The following IQGAP2 variants were observed in gnomAD, a reference collection of about 807,000 sequenced individuals.
The protein encoded by IQGAP2 is IQ motif containing GTPase activating protein 2.
A neutral mutation model predicts 201.3 loss-of-function variants in IQGAP2; 173 were observed. The observed-to-expected ratio is 0.86, with a 90% confidence interval of 0.76 to 0.98. The LOEUF (loss-of-function observed/expected upper bound fraction) is 0.98, where lower values mean the gene tolerates loss of function less well. IQGAP2 is among the 50% of genes least tolerant of loss of function. The pLI, the probability that IQGAP2 is intolerant of heterozygous loss-of-function variation, is 0.00. For synonymous variants in IQGAP2, 675 were observed against 673.9 expected (o/e 1.00, Z -0.03); for missense variants, 1,687 against 1,864.8 (o/e 0.90, Z 1.76).
intron 2 of IQGAP2, among the ~76,000 whole-genome samples, chr5:76,485,071 C>T (rs752630315): frequency 6.6e-6 from 1 of 152,168 alleles, no homozygotes; most frequent in Non-Finnish European, 1.5e-5. Flanking sequence ...AATCCTCTGA[C>T]TTGGCCTCCC....
intron 1 of IQGAP2, among the ~76,000 whole-genome samples, chr5:76,427,951 A>G (rs1752108132): frequency 6.6e-6 from 1 of 152,208 alleles, no homozygotes; most frequent in African/African-American, 2.4e-5. Flanking sequence ...GCAGGCTGTC[A>G]AGCAGTGGGA....
intron 12 of IQGAP2, among the ~76,000 whole-genome samples, chr5:76,609,512 C>T (rs62362039): frequency 0.16 from 24,472 of 151,976 alleles, 2,134 homozygotes; most frequent in Admixed American, 0.28. Context: ...TCATTCTTAA[C>T]GAAGTGGTGG....
At chr5:76,578,503 G>T (rs774358557) in intron 5 of IQGAP2, among the ~76,000 whole-genome samples, 1 of 152,022 alleles carries the variant, frequency 6.6e-6, no homozygotes, top group East Asian at 1.9e-4. Flanking sequence ...TAGTAGAGAC[G>T]GGGTTTCACC....
intron 2 of IQGAP2, among the ~76,000 whole-genome samples, chr5:76,524,677 C>T (rs1758869343): frequency 6.6e-6 from 1 of 152,098 alleles, no homozygotes; most frequent in African/African-American, 2.4e-5. Flanking sequence ...GTTGAATCAA[C>T]TAAGAAATAT....
intron 2 of IQGAP2, among the ~76,000 whole-genome samples, chr5:76,481,612 G>A (rs1474318816): frequency 6.6e-6 from 1 of 152,088 alleles, no homozygotes; most frequent in Non-Finnish European, 1.5e-5. Context: ...TTGAACTCCT[G>A]ACCTCAGATG....
intron 1 of IQGAP2, among the ~76,000 whole-genome samples, chr5:76,410,725 C>G (rs1286661091): frequency 1.3e-5 from 2 of 152,132 alleles, no homozygotes; most frequent in Non-Finnish European, 2.9e-5. Context: ...TCTTCATTCT[C>G]TCCATTAATT....
chr5:76,460,473 A>G (rs1283200782), intron 1 of IQGAP2, among the ~76,000 whole-genome samples: 1 of 152,088 alleles, frequency 6.6e-6, no homozygotes. Context: ...GAGGGGAAGT[A>G]ATAAGGAAGA....
intron 3 of IQGAP2, among the ~76,000 whole-genome samples, chr5:76,566,886 G>T (rs1319541614): frequency 6.6e-6 from 1 of 151,938 alleles, no homozygotes; most frequent in Non-Finnish European, 1.5e-5. Flanking sequence ...GTGGTGAAGG[G>T]CCAGGAAGGT....
rs938186313 is a variant in IQGAP2, at chr5:76,658,541, A to G, written c.2403A>G (p.Glu801=). The part of the protein sequence containing the change: ...LDQSDLDFQE[E]LEVARLREEV... The stretch of plus-strand genomic sequence containing the variant: ...AAAGTGATTTGGATTTCCAGGAGGA[A>G]CTAGAGGTTGCACGATTAAGGGAAG... Residue 801 remains glutamate, a synonymous_variant, in exon 21 of 36, where the codon GAA becomes GAG. Transcript: ENST00000274364. The G allele has an allele frequency of 5.6e-6, 9 of 1,613,998 alleles. No individual in the cohort carries two copies. Among genetic ancestry groups the G allele is most frequent in the Non-Finnish European group, 7.6e-6 (9 of 1,179,994 alleles).
chr5:76,553,295 T>A (rs779884034), intron 2 of IQGAP2, among the ~76,000 whole-genome samples: 1 of 152,258 alleles, frequency 6.6e-6, no homozygotes, highest in Non-Finnish European at 1.5e-5. Context: ...ATATGTCTTA[T>A]GTGCTGATTT....
chr5:76,499,557 G>A (rs760169950), intron 2 of IQGAP2, among the ~76,000 whole-genome samples: 2 of 152,094 alleles, frequency 1.3e-5, no homozygotes, highest in Admixed American at 6.5e-5. Context: ...TAATACCTTA[G>A]CATGTTGTCT....
At chr5:76,625,005 C>T (rs1750093171) in intron 13 of IQGAP2, among the ~76,000 whole-genome samples, 1 of 152,100 alleles carries the variant, frequency 6.6e-6, no homozygotes, top group African/African-American at 2.4e-5. Context: ...CCCTGAGAGG[C>T]GGAGGTTGCA....
intron 2 of IQGAP2, among the ~76,000 whole-genome samples, chr5:76,467,817 A>G (rs1270094305): frequency 1.3e-5 from 2 of 152,230 alleles, no homozygotes; most frequent in Non-Finnish European, 1.5e-5. Flanking sequence ...GTACTGATAC[A>G]TACTACAACA....
In IQGAP2 at chr5:76,698,008, T is replaced by C. The variant is rs1374529424; in HGVS notation, c.4228T>C (p.Tyr1410His). Residue 1410 changes from tyrosine to histidine, a missense_variant, in exon 33 of 36, where the codon TAT (tyrosine) becomes CAT (histidine). By Grantham distance (83) the Tyr-to-His change is moderately conservative. Coordinates refer to ENST00000274364, the MANE Select transcript of IQGAP2 (RefSeq NM_006633.5). Reference protein sequence around the residue: ...IAKDIRNQRIYRKLRKAELAK... With the variant: ...IAKDIRNQRIHRKLRKAELAK... ...TTAGGATATTCGAAATCAAAGAATC[T>C]ATCGTAAGCTTCGAAAAGCTGAATT... The C allele has an allele frequency of 1.2e-6, 2 of 1,611,734 alleles. No individual in the cohort carries two copies. The highest frequency in any genetic ancestry group is 2.2e-5 in the South Asian group (2 of 90,528).
Position 76,700,085 on chromosome 5 carries a change from G to T in IQGAP2, c.4368-991G>T, listed in dbSNP as rs73127572. Among the ~76,000 whole-genome samples the T allele has an allele frequency of 5.8e-3, 882 of 151,984 alleles. 12 individuals carry two copies. Among genetic ancestry groups the T allele is most frequent in the African/African-American group, 0.02 (813 of 41,340 alleles). On this transcript the variant is annotated intron_variant, in intron 33 of 35. Coordinates refer to ENST00000274364, the MANE Select transcript of IQGAP2 (RefSeq NM_006633.5). ...TACACTAAATATAGGAAGGAAGGAAGAATATATACATATACATGCAAGGAA... is the reference window on the plus strand; with the variant it reads ...TACACTAAATATAGGAAGGAAGGAATAATATATACATATACATGCAAGGAA...
At chr5:76,562,280 T>G in intron 2 of IQGAP2, 116 bp from the exon 3 acceptor site, 1 of 714,890 alleles carries the variant, frequency 1.4e-6, no homozygotes, top group Admixed American at 2.7e-5. Flanking sequence ...CACCGAAAGA[T>G]GTTTCAGATC....
At chr5:76,496,706 T>C (rs961162685) in intron 2 of IQGAP2, among the ~76,000 whole-genome samples, 9 of 13,918 alleles carry the variant, frequency 6.5e-4, no homozygotes, top group Non-Finnish European at 1.6e-3. Flanking sequence ...TTCTGTCTCT[T>C]TCTTTCTTTC....
chr5:76,683,152 A>C lies in IQGAP2; in HGVS notation c.3698A>C (p.Lys1233Thr), dbSNP rs373530105. 6.2e-7 allele frequency: 1 copy of C among 1,612,376 alleles called. No individual in the cohort carries two copies. The highest frequency in any genetic ancestry group is 8.5e-7 in the Non-Finnish European group (1 of 1,179,150). Reference sequence around the variant, plus strand: ...CACCAGGATGCAATTGCCCCTGAGAAAAATGACTTACTGAGTGAATTGCTG... The same window carrying C: ...CACCAGGATGCAATTGCCCCTGAGACAAATGACTTACTGAGTGAATTGCTG... ...LEHQDAIAPE[K>T]NDLLSELLGS... is the part of the protein sequence containing the mutation. Residue 1233 changes from lysine (K) to threonine (T), a missense_variant, in exon 29 of 36, where the codon AAA becomes ACA. By Grantham distance (78) the Lys-to-Thr change is moderately conservative (BLOSUM62 -1). Coordinates refer to ENST00000274364, the MANE Select transcript of IQGAP2 (RefSeq NM_006633.5).
At chr5:76,495,921 C>T (rs1181582009) in intron 2 of IQGAP2, among the ~76,000 whole-genome samples, 2 of 152,202 alleles carry the variant, frequency 1.3e-5, no homozygotes, top group Non-Finnish European at 2.9e-5. Flanking sequence ...CACCGGGAAT[C>T]ACATTTCAAC....
Sources: gnomAD v4.1 joint callset for allele counts (sites outside exome capture counted in the v4.1 genomes callset) on GRCh38, gnomAD v4.1.1 for gene constraint, MANE v1.5 for transcripts, NCBI Gene and HGNC (gene_info 2026-07-23, HGNC 2026-07-21) for gene names.